Variants in MRPL1 observed in about 807,000 individuals in gnomAD.
The protein encoded by MRPL1 is large ribosomal subunit protein uL1m.
Under a neutral mutation model 38.0 loss-of-function variants are expected in MRPL1, and 28 were observed. The ratio of observed to expected loss-of-function variants is 0.74; its 90% CI spans 0.55 to 1.01. The LOEUF (loss-of-function observed/expected upper bound fraction) is 1.01, where lower values mean the gene tolerates loss of function less well. Ranked by LOEUF, MRPL1 falls within the 50% of genes least tolerant of loss-of-function variation. The probability of loss-of-function intolerance (pLI) is 0.00; values close to 1 mark genes in which losing one functional copy is unlikely to be tolerated. For synonymous variants in MRPL1, 123 were observed against 126.7 expected (o/e 0.97, Z 0.20); for missense variants, 358 against 389.8 (o/e 0.92, Z 0.69).
intron 6 of MRPL1, among the ~76,000 whole-genome samples, chr4:77,899,702 A>G (rs1560465588): frequency 6.6e-6 from 1 of 152,216 alleles, no homozygotes; most frequent in Non-Finnish European, 1.5e-5. Flanking sequence ...TTAGGAGGAA[A>G]TACTTGATCG....
intron 2 of MRPL1, among the ~76,000 whole-genome samples, 155 bp from the exon 3 acceptor site, chr4:77,883,086 GT>G (rs1401544678): frequency 6.6e-6 from 1 of 152,000 alleles, no homozygotes; most frequent in Non-Finnish European, 1.5e-5. Context: ...TTCACTTCAT[GT>G]TTGTTGAATT....
chr4:77,911,951 C>G (rs1466329445), intron 7 of MRPL1, among the ~76,000 whole-genome samples: 1 of 152,164 alleles, frequency 6.6e-6, no homozygotes, highest in Non-Finnish European at 1.5e-5. Flanking sequence ...AACAATTAAT[C>G]ATTACAGTTC....
intron 7 of MRPL1, among the ~76,000 whole-genome samples, chr4:77,933,975 A>C (rs1240242772): frequency 1.3e-5 from 2 of 152,218 alleles, no homozygotes; most frequent in Non-Finnish European, 2.9e-5. Context: ...AAGCTGGAAA[A>C]ACCCAGTTTT....
intron 7 of MRPL1, among the ~76,000 whole-genome samples, chr4:77,940,073 G>T (rs543820934): frequency 2.0e-5 from 3 of 152,058 alleles, no homozygotes; most frequent in Non-Finnish European, 1.5e-5. Flanking sequence ...TTCTAGTTCT[G>T]TGAAGAATGA....
chr4:77,889,283 C>T (rs540105777), intron 5 of MRPL1, among the ~76,000 whole-genome samples: 1 of 152,234 alleles, frequency 6.6e-6, no homozygotes, highest in African/African-American at 2.4e-5. Context: ...CAAACTGTCT[C>T]TCAGACCACA....
At chr4:77,889,465 G>T (rs1202155315) in intron 5 of MRPL1, among the ~76,000 whole-genome samples, 4 of 152,136 alleles carry the variant, frequency 2.6e-5, no homozygotes, top group African/African-American at 9.7e-5. Flanking sequence ...CAGAATCTCT[G>T]GGACACATTT....
At chr4:77,899,540 G>A (rs1735988095) in intron 6 of MRPL1, among the ~76,000 whole-genome samples, 1 of 151,852 alleles carries the variant, frequency 6.6e-6, no homozygotes, top group Non-Finnish European at 1.5e-5. Context: ...GTTATCACAG[G>A]TTTTTCTTTT....
intron 1 of MRPL1, among the ~76,000 whole-genome samples, chr4:77,867,743 T>C (rs1386059512): frequency 8.2e-6 from 1 of 121,226 alleles, no homozygotes; most frequent in Non-Finnish European, 1.7e-5. Flanking sequence ...TGGATAGTTA[T>C]TTCTTTTTTT....
intron 7 of MRPL1, among the ~76,000 whole-genome samples, chr4:77,928,891 G>A (rs980044964): frequency 1.3e-5 from 2 of 152,100 alleles, no homozygotes; most frequent in African/African-American, 4.8e-5. Context: ...AATTCAAAGT[G>A]TGACTCTCCC....
intron 7 of MRPL1, among the ~76,000 whole-genome samples, chr4:77,942,472 G>T (rs886753064): frequency 6.6e-6 from 1 of 151,996 alleles, no homozygotes; most frequent in African/African-American, 2.4e-5. Flanking sequence ...TTTGAAATCT[G>T]CCACTATTAT....
chr4:77,936,179 A>G (rs1375023115), intron 7 of MRPL1, among the ~76,000 whole-genome samples: 1 of 143,766 alleles, frequency 7.0e-6, no homozygotes, highest in Non-Finnish European at 1.5e-5. Flanking sequence ...TTTTTTTTTT[A>G]TGTAATTGCT....
At chr4:77,910,653 A>T (rs1365244849) in intron 7 of MRPL1, among the ~76,000 whole-genome samples, 1 of 152,058 alleles carries the variant, frequency 6.6e-6, no homozygotes, top group Non-Finnish European at 1.5e-5. Context: ...CTGGCCTCAA[A>T]CTCCTATGCT....
intron 6 of MRPL1, among the ~76,000 whole-genome samples, chr4:77,896,886 T>C (rs1369780701): frequency 2.0e-5 from 3 of 152,214 alleles, no homozygotes; most frequent in African/African-American, 4.8e-5. Flanking sequence ...AAAACCTGTT[T>C]TTTTAAATTC....
intron 6 of MRPL1, among the ~76,000 whole-genome samples, chr4:77,905,494 C>G (rs1431266753): frequency 3.3e-5 from 1 of 30,660 alleles, no homozygotes; most frequent in Non-Finnish European, 6.3e-5. Flanking sequence ...GAGACTCCGT[C>G]TCAAAAAAAA....
intron 7 of MRPL1, among the ~76,000 whole-genome samples, chr4:77,927,108 G>T (rs1365322574): frequency 6.6e-6 from 1 of 151,732 alleles, no homozygotes; most frequent in African/African-American, 2.4e-5. Flanking sequence ...ATGTCAGAAA[G>T]ACATGAAAGA....
At chr4:77,907,225 A>G (rs1042486687) in intron 6 of MRPL1, 1 of 936,406 alleles carries the variant, frequency 1.1e-6, no homozygotes, top group African/African-American at 1.8e-5. Context: ...GTTATGGTAT[A>G]GTGGAATATA....
chr4:77,875,510 G>A (rs1735369554), intron 2 of MRPL1, among the ~76,000 whole-genome samples: 1 of 152,022 alleles, frequency 6.6e-6, no homozygotes, highest in African/African-American at 2.4e-5. Flanking sequence ...AAATTAGCTG[G>A]GCTTGGTGGT....
chr4:77,911,300 A>G lies in MRPL1; in HGVS notation c.777+1928A>G, dbSNP rs142006222. Among the ~76,000 whole-genome samples, 573 of 152,208 alleles carry G rather than the reference A, an allele frequency of 3.8e-3. 5 individuals carry two copies. Among genetic ancestry groups the G allele is most frequent in the African/African-American group, 0.013 (547 of 41,536 alleles). ...CAGTATATTTAGTAGTTAATAGTTTATGTAGATCCTGACTCAGAATATAAG... is the reference window on the plus strand; with the variant it reads ...CAGTATATTTAGTAGTTAATAGTTTGTGTAGATCCTGACTCAGAATATAAG... On this transcript the variant is annotated intron_variant, in intron 7 of 8. Coordinates refer to ENST00000315567, the MANE Select transcript of MRPL1 (RefSeq NM_020236.4).
chr4:77,930,922 T>G (rs1736829051), intron 7 of MRPL1, among the ~76,000 whole-genome samples: 1 of 152,122 alleles, frequency 6.6e-6, no homozygotes, highest in Admixed American at 6.6e-5. Context: ...CTGGAGAGCT[T>G]TTTTGAAAAG....
Sources: allele counts gnomAD v4.1 joint callset (sites outside exome capture counted in the v4.1 genomes callset), GRCh38; gene constraint gnomAD v4.1.1; transcripts MANE v1.5; gene names NCBI Gene and HGNC (gene_info 2026-07-23, HGNC 2026-07-21).